The following FEZ2 variants were observed in gnomAD, a reference collection of about 807,000 sequenced individuals.
The protein encoded by FEZ2 is fasciculation and elongation protein zeta 2, also known as fasciculation and elongation protein zeta-2.
Under a neutral mutation model 40.4 loss-of-function variants are expected in FEZ2, and 51 were observed. The ratio of observed to expected loss-of-function variants is 1.26; its 90% confidence interval spans 1.01 to 1.59. FEZ2 has a LOEUF of 1.59. Among genes scored for constraint, FEZ2 ranks in the 40% most tolerant of loss-of-function variants. FEZ2 has a pLI of 0.00. For missense variants in FEZ2, 640 were observed against 438.3 expected (o/e 1.46, Z -4.11); for synonymous variants, 242 against 172.0 (o/e 1.41, Z -3.18).
intron 1 of FEZ2, among the ~76,000 whole-genome samples, chr2:36,592,707 T>C (rs1256842323): frequency 1.3e-5 from 2 of 151,700 alleles, no homozygotes; most frequent in African/African-American, 2.4e-5. Flanking sequence ...CCAGCTACTT[T>C]TGGAGGGTAA....
At position 36,567,260 on chromosome 2, in the gene FEZ2, G is replaced by A. The variant is rs1336945976; in HGVS notation, c.904-8747C>T. On this transcript the variant is annotated intron_variant, in intron 5 of 7. Coordinates refer to ENST00000405912, the MANE Select transcript of FEZ2 (RefSeq NM_005102.3). ...TGAGGTGTCTTGACTTCTTGCAGGA[G>A]AGAAAGAAAAAAAAAAAGCCCAAAA... 1.5e-4 allele frequency among the ~76,000 whole-genome samples: 23 copies of A among 149,504 alleles called. 1 individual carries two copies. In the East Asian group the frequency reaches 3.7e-3, roughly 24 times the overall value.
intron 1 of FEZ2, 27 bp from the exon 2 acceptor site, chr2:36,591,038 T>A (rs1352799901): frequency 7.4e-7 from 1 of 1,350,836 alleles, no homozygotes; most frequent in East Asian, 2.3e-5. Context: ...CTACAATCAA[T>A]GAAAATTAAC....
intron 5 of FEZ2, among the ~76,000 whole-genome samples, chr2:36,577,781 T>C (rs970475607): frequency 2.6e-5 from 4 of 152,238 alleles, no homozygotes; most frequent in Non-Finnish European, 5.9e-5. Context: ...AATCAGACTT[T>C]ATCAAAAACA....
chr2:36,592,596 A>C (rs1334277501), intron 1 of FEZ2, among the ~76,000 whole-genome samples: 1 of 146,576 alleles, frequency 6.8e-6, no homozygotes, highest in Non-Finnish European at 1.5e-5. Context: ...GCTTGAAGCC[A>C]GGAGTTCAAG....
At chr2:36,596,618 C>T (rs939380555) in intron 1 of FEZ2, among the ~76,000 whole-genome samples, 1 of 152,098 alleles carries the variant, frequency 6.6e-6, no homozygotes, top group Non-Finnish European at 1.5e-5. Context: ...CATGCGCCAC[C>T]GGACTTCACT....
At chr2:36,558,410 G>GT in intron 6 of FEZ2, 28 bp downstream of exon 6, 2 of 1,370,604 alleles carry the variant, frequency 1.5e-6, no homozygotes, top group Non-Finnish European at 2.0e-6. Context: ...AGGAAATCAG[G>GT]TAATAGTTTC....
chr2:36,588,089 C>T (rs1002984649), intron 2 of FEZ2, among the ~76,000 whole-genome samples: 1 of 151,856 alleles, frequency 6.6e-6, no homozygotes, highest in Non-Finnish European at 1.5e-5. Context: ...AGTGCAGTGG[C>T]GTGATCTCGG....
chr2:36,574,122 C>G (rs1268466559), intron 5 of FEZ2, among the ~76,000 whole-genome samples: 1 of 152,152 alleles, frequency 6.6e-6, no homozygotes, highest in Non-Finnish European at 1.5e-5. Flanking sequence ...GGCAGTTGGA[C>G]ATATATAACA....
intron 4 of FEZ2, among the ~76,000 whole-genome samples, chr2:36,579,479 A>G (rs1668672070): frequency 6.6e-6 from 1 of 152,068 alleles, no homozygotes; most frequent in African/African-American, 2.4e-5. Flanking sequence ...ACAGTTTAGT[A>G]CCATCCCCCT....
intron 1 of FEZ2, among the ~76,000 whole-genome samples, chr2:36,594,185 C>CA (rs1669148173): frequency 6.6e-6 from 1 of 152,164 alleles, no homozygotes; most frequent in South Asian, 2.1e-4. Context: ...AGCCATTCAA[C>CA]AAGTCTCTAG....
At chr2:36,560,723 G>C in intron 5 of FEZ2, 1 of 999,970 alleles carries the variant, frequency 1.0e-6, no homozygotes. Context: ...CAGCTTTCAG[G>C]ATCTTCACTT....
chr2:36,579,129 G>A, intron 4 of FEZ2: 1 of 406,686 alleles, frequency 2.5e-6, no homozygotes, highest in Non-Finnish European at 4.3e-6. Context: ...GTTTTTACTT[G>A]TGCAAATAAA....
At chr2:36,588,760 T>C (rs938929527) in intron 2 of FEZ2, among the ~76,000 whole-genome samples, 1 of 152,126 alleles carries the variant, frequency 6.6e-6, no homozygotes, top group African/African-American at 2.4e-5. Flanking sequence ...AATTGTTGTG[T>C]TGTTATTTTA....
At chr2:36,570,212 C>T (rs763652292) in intron 5 of FEZ2, among the ~76,000 whole-genome samples, 1 of 151,472 alleles carries the variant, frequency 6.6e-6, no homozygotes, top group Non-Finnish European at 1.5e-5. Context: ...GCAAATTCTA[C>T]CAAAAATTTT....
In FEZ2 at chr2:36,590,950, G is replaced by T; in HGVS notation, c.328C>A (p.His110Asn). ...NVMPVDWKSS[H>N]TRTLHLLTLN... is the part of the protein sequence containing the mutation. ...GTAAGCAAGTGCAAGGTCCTAGTATGCGATGACTTCCAGTCTACAGGCATC... is the reference window on the plus strand; with the variant it reads ...GTAAGCAAGTGCAAGGTCCTAGTATTCGATGACTTCCAGTCTACAGGCATC... The change falls in exon 2 of 8, where the codon CAT (histidine) becomes AAT (asparagine). Residue 110 changes from histidine (H) to asparagine (N), a missense_variant. His to Asn is a moderately conservative substitution (Grantham distance 68). Transcript: ENST00000405912. The T allele has an allele frequency of 2.5e-6, 4 of 1,613,118 alleles. No homozygotes were observed. The highest frequency in any genetic ancestry group is 3.4e-6 in the Non-Finnish European group (4 of 1,179,050).
intron 5 of FEZ2, among the ~76,000 whole-genome samples, chr2:36,573,597 G>C (rs1012957764): frequency 1.3e-5 from 2 of 152,252 alleles, no homozygotes; most frequent in African/African-American, 4.8e-5. Flanking sequence ...AAGAAATTAG[G>C]TGAGGTGCTG....
chr2:36,573,209 G>C (rs1668466503), intron 5 of FEZ2, among the ~76,000 whole-genome samples: 1 of 152,112 alleles, frequency 6.6e-6, no homozygotes, highest in African/African-American at 2.4e-5. Context: ...CCTTACATGT[G>C]ACATTCAATT....
chr2:36,567,644 C>A (rs1236590891), intron 5 of FEZ2, among the ~76,000 whole-genome samples: 1 of 151,960 alleles, frequency 6.6e-6, no homozygotes, highest in Admixed American at 6.5e-5. Flanking sequence ...TGCCTGTAAT[C>A]CCAGCTACTC....
At chr2:36,567,323 A>T (rs1027023768) in intron 5 of FEZ2, among the ~76,000 whole-genome samples, 13 of 152,218 alleles carry the variant, frequency 8.5e-5, no homozygotes, top group Admixed American at 7.2e-4. Context: ...GACAGGACAG[A>T]ACATCAAGTT....
Sources: allele counts gnomAD v4.1 joint callset (sites outside exome capture counted in the v4.1 genomes callset), GRCh38; gene constraint gnomAD v4.1.1; transcripts MANE v1.5; gene names NCBI Gene and HGNC (gene_info 2026-07-23, HGNC 2026-07-21).